Variants in REEP5 observed in about 807,000 individuals in gnomAD.
REEP5 encodes the protein receptor expression-enhancing protein 5.
In REEP5, 24 loss-of-function variants were observed where a neutral mutation model predicts 22.4. The ratio of observed to expected loss-of-function variants is 1.07; its 90% CI spans 0.78 to 1.51. The LOEUF is 1.51. REEP5 is among the 40% of genes most tolerant of loss of function. REEP5 has a pLI of 0.00. For synonymous variants in REEP5, 103 were observed against 88.6 expected, an observed-to-expected ratio of 1.16 and a Z score of -0.92; for missense variants, 252 against 233.0, an observed-to-expected ratio of 1.08 and a Z score of -0.53.
In REEP5 at chr5:112,892,953, G is replaced by C. The variant is rs200527045; in HGVS notation, c.352-5770C>G. ...GAAATAGGCACCGCAGCTGGGACCA[G>C]GGCCGCCGGAGCCAGAGCCGCAGGA... On this transcript the variant is annotated intron_variant, in intron 3 of 4. Coordinates refer to ENST00000379638, the MANE Select transcript of REEP5 (RefSeq NM_005669.5). 108 of 1,596,852 alleles carry C rather than the reference G, an allele frequency of 6.8e-5. 1 individual carries two copies. The East Asian group carries it at 2.4e-3, about 36-fold the overall frequency.
chr5:112,902,210 AT>A (rs150628851), intron 3 of REEP5, among the ~76,000 whole-genome samples, 169 bp downstream of exon 3: 11 of 85,296 alleles, frequency 1.3e-4, no homozygotes, highest in African/African-American at 3.1e-4. Flanking sequence ...TTGCTTGAGC[AT>A]TTTTTTGTTT....
In REEP5 at chr5:112,878,664, TTA is replaced by T; in HGVS notation, c.*120_*121del. The T allele has an allele frequency of 1.4e-6, 2 of 1,386,672 alleles. No homozygotes were observed. The highest frequency in any genetic ancestry group is 2.3e-5 in the Admixed American group (1 of 43,140). 85.9% of individuals were successfully genotyped at this position (1,386,672 alleles called of 1,614,324 possible). ...AGAAACTTACAACACATTCCAATCT[TTA>T]ATATCTCAAAAATGTTTCCAAGGCA... On this transcript the variant is annotated 3_prime_UTR_variant, in exon 5 of 5. Transcript: ENST00000379638.
chr5:112,907,474 G>C (rs2150045830), intron 2 of REEP5, among the ~76,000 whole-genome samples: 1 of 152,292 alleles, frequency 6.6e-6, no homozygotes, highest in Admixed American at 6.5e-5. Flanking sequence ...GCAGCATTTT[G>C]CTTCCCCAAA....
At chr5:112,910,270 C>T (rs1769066330) in intron 2 of REEP5, among the ~76,000 whole-genome samples, 1 of 152,126 alleles carries the variant, frequency 6.6e-6, no homozygotes, top group Admixed American at 6.5e-5. Context: ...CCACTGCACT[C>T]CAGCCTGGGC....
In REEP5 at chr5:112,878,913, A is replaced by G. The variant is rs566778570; in HGVS notation, c.521-78T>C. 6.8e-6 allele frequency: 11 copies of G among 1,607,444 alleles called. No homozygotes were observed. In the East Asian group the frequency reaches 2.5e-4, roughly 36 times the overall value. ...ATGCAAGCTTGCAAGCTTTGTGCCTAATGTAGCTACTAGATAACAAAACTT... is the reference window on the plus strand; with the variant it reads ...ATGCAAGCTTGCAAGCTTTGTGCCTGATGTAGCTACTAGATAACAAAACTT... On this transcript the variant is annotated intron_variant, in intron 4 of 4. Coordinates refer to ENST00000379638, the MANE Select transcript of REEP5 (RefSeq NM_005669.5).
intron 4 of REEP5, chr5:112,882,041 T>C (rs1319778992): frequency 1.3e-5 from 2 of 153,816 alleles, no homozygotes; most frequent in East Asian, 3.9e-4. Context: ...GGAAGTGCTG[T>C]GATTACAGGT....
chr5:112,920,266 A>G (rs1363518737), intron 2 of REEP5, among the ~76,000 whole-genome samples: 2 of 152,230 alleles, frequency 1.3e-5, no homozygotes, highest in African/African-American at 4.8e-5. Context: ...AGTGACAGAT[A>G]CAAGCTGTAA....
chr5:112,892,029 A>G, intron 3 of REEP5: 1 of 1,404,896 alleles, frequency 7.1e-7, no homozygotes, highest in Non-Finnish European at 1.0e-6. Context: ...AGGAGCAGAA[A>G]CAACAGGAGA....
At chr5:112,880,733 C>T (rs1768047876) in intron 4 of REEP5, among the ~76,000 whole-genome samples, 1 of 152,062 alleles carries the variant, frequency 6.6e-6, no homozygotes, top group Non-Finnish European at 1.5e-5. Context: ...CTAAGAGAAC[C>T]AAGAGGCTAA....
At chr5:112,916,475 A>G (rs553647233) in intron 2 of REEP5, among the ~76,000 whole-genome samples, 8 of 152,248 alleles carry the variant, frequency 5.3e-5, no homozygotes, top group African/African-American at 1.7e-4. Flanking sequence ...TACATAACAG[A>G]TAAGAAAAGT....
rs774703593 is a variant in REEP5 at position 112,891,746 on chromosome 5, G to T, written c.352-4563C>A. 1.9e-6 allele frequency: 3 copies of T among 1,613,966 alleles called. No homozygotes were observed. The African/African-American group carries it at 4.0e-5, about 22-fold the overall frequency. On this transcript the variant is annotated intron_variant, in intron 3 of 4. Transcript: ENST00000379638. Reference sequence around the variant, plus strand: ...CTGAAGAAGGAGAAACGAAAGAAACGTCGGCAGGAACTTGCTCGACTGAGA... The same window carrying T: ...CTGAAGAAGGAGAAACGAAAGAAACTTCGGCAGGAACTTGCTCGACTGAGA...
At chr5:112,881,937 G>C (rs965953807) in intron 4 of REEP5, 7 of 104,254 alleles carry the variant, frequency 6.7e-5, no homozygotes, top group African/African-American at 4.0e-4. Flanking sequence ...GCTAATTTTT[G>C]TGTTTTTTTT....
rs755658566 is a variant in REEP5 at position 112,892,543 on chromosome 5, C to T, written c.352-5360G>A. ...CGGACGATGGTATGCAGGACGACAG[C>T]TGCAATGTGAATTCTGCCCAGTGAC... is the stretch of plus-strand genomic sequence containing the variant. On this transcript the variant is annotated intron_variant, in intron 3 of 4. Transcript: ENST00000379638. The T allele has an allele frequency of 8.7e-6, 14 of 1,614,210 alleles. No homozygotes were observed. In the East Asian group the frequency reaches 1.6e-4, roughly 18 times the overall value.
intron 4 of REEP5, among the ~76,000 whole-genome samples, chr5:112,880,220 G>A (rs1400662329): frequency 6.6e-6 from 1 of 151,872 alleles, no homozygotes; most frequent in Non-Finnish European, 1.5e-5. Flanking sequence ...AGATCACCCT[G>A]GCCAAAACAC....
At chr5:112,892,482 GGAA>G in intron 3 of REEP5, 1 of 1,614,130 alleles carries the variant, frequency 6.2e-7, no homozygotes, top group Non-Finnish European at 8.5e-7. Context: ...AGTACCAGTC[GGAA>G]GAAGAATGCC....
chr5:112,892,728 C>G, intron 3 of REEP5: 1 of 1,613,972 alleles, frequency 6.2e-7, no homozygotes, highest in Admixed American at 1.7e-5. Flanking sequence ...CCTCCTTTGG[C>G]AAGAACTCCG....
chr5:112,915,186 C>A (rs1296758648), intron 2 of REEP5, among the ~76,000 whole-genome samples: 1 of 151,696 alleles, frequency 6.6e-6, no homozygotes, highest in Non-Finnish European at 1.5e-5. Context: ...GACAAATAGA[C>A]TAAATCTCCA....
chr5:112,902,965 T>C (rs1768882714), intron 2 of REEP5, among the ~76,000 whole-genome samples: 1 of 152,168 alleles, frequency 6.6e-6, no homozygotes. Flanking sequence ...TAAAGCAACA[T>C]TTGGAACATA....
chr5:112,916,350 GA>G (rs905682423), intron 2 of REEP5, among the ~76,000 whole-genome samples: 1 of 152,172 alleles, frequency 6.6e-6, no homozygotes, highest in African/African-American at 2.4e-5. Flanking sequence ...CTTGTCTCTT[GA>G]AACAGAACTA....
Sources: gnomAD v4.1 joint callset for allele counts (sites outside exome capture counted in the v4.1 genomes callset) on GRCh38, gnomAD v4.1.1 for gene constraint, MANE v1.5 for transcripts, NCBI Gene and HGNC (gene_info 2026-07-23, HGNC 2026-07-21) for gene names.